The following RTN4 variants were observed in gnomAD, a reference collection of about 807,000 sequenced individuals.
The protein encoded by RTN4 is reticulon-4.
Under a neutral mutation model 90.4 loss-of-function variants are expected in RTN4, and 32 were observed. The ratio of observed to expected loss-of-function variants is 0.35; its 90% confidence interval spans 0.27 to 0.48. The LOEUF (loss-of-function observed/expected upper bound fraction) is 0.48, where lower values mean the gene tolerates loss of function less well. Among genes scored for constraint, RTN4 ranks in the 20% least tolerant of loss-of-function variants. The pLI, the probability that RTN4 is intolerant of heterozygous loss-of-function variation, is 0.99. For missense variants in RTN4, 1,706 were observed against 1,430.2 expected, an observed-to-expected ratio of 1.19 and a Z score of -3.11; for synonymous variants, 629 against 552.5, an observed-to-expected ratio of 1.14 and a Z score of -1.94.
intron 3 of RTN4, among the ~76,000 whole-genome samples, chr2:55,006,899 G>C (rs954139383): frequency 1.3e-5 from 2 of 151,938 alleles, no homozygotes; most frequent in Non-Finnish European, 2.9e-5. Context: ...CAGGTTTTAG[G>C]CTTTTCTTTC....
At chr2:55,044,991 A>T (rs1683325781) in intron 1 of RTN4, among the ~76,000 whole-genome samples, 1 of 152,174 alleles carries the variant, frequency 6.6e-6, no homozygotes, top group Non-Finnish European at 1.5e-5. Context: ...TGTGTTTAGA[A>T]GCATCCACTT....
the RTN4 span, among the ~76,000 whole-genome samples, chr2:55,123,844 T>G: frequency 6.6e-6 from 1 of 152,156 alleles, no homozygotes; most frequent in Non-Finnish European, 1.5e-5. Flanking sequence ...ACTCTGCATT[T>G]TCATTTTGCA....
In RTN4 at chr2:55,025,209, T is replaced by A. The variant is rs200503618; in HGVS notation, c.2890A>T (p.Ile964Leu). ...DVSALATQAE[I>L]ESIVKPKVLV... Reference sequence around the variant, plus strand: ...ACTTTGGGTTTAACTATGCTCTCTATCTCTGCTTGAGTGGCCAAAGCAGAA... The same window carrying A: ...ACTTTGGGTTTAACTATGCTCTCTAACTCTGCTTGAGTGGCCAAAGCAGAA... The change falls in exon 3 of 9, where the codon ATA becomes TTA. Residue 964 changes from isoleucine (I) to leucine (L), a missense_variant. Coordinates refer to ENST00000337526, the MANE Select transcript of RTN4 (RefSeq NM_020532.5). The A allele has an allele frequency of 6.2e-7, 1 of 1,613,892 alleles. No individual in the cohort carries two copies. The highest frequency in any genetic ancestry group is 8.5e-7 in the Non-Finnish European group (1 of 1,179,830).
At chr2:54,978,881 G>C (rs1677884820) in intron 5 of RTN4, among the ~76,000 whole-genome samples, 1 of 152,008 alleles carries the variant, frequency 6.6e-6, no homozygotes, top group Admixed American at 6.6e-5. Context: ...TTTAAACAAG[G>C]TAAATACATT....
At chr2:55,114,319 A>G (rs1323434533), upstream of RTN4, among the ~76,000 whole-genome samples, 3 of 152,228 alleles carry the variant, frequency 2.0e-5, no homozygotes, top group African/African-American at 7.2e-5. Flanking sequence ...GTGAGTCAGC[A>G]AAGGAGAAAC....
intron 1 of RTN4, among the ~76,000 whole-genome samples, chr2:55,093,585 A>G (rs1668978829): frequency 6.6e-6 from 1 of 152,096 alleles, no homozygotes; most frequent in Non-Finnish European, 1.5e-5. Context: ...GCCCTGAGTC[A>G]TTATCTGCAT....
Position 55,026,845 on chromosome 2 carries a change from A to G in RTN4, c.1254T>C (p.Ser418=), listed in dbSNP as rs147000793. The G allele has an allele frequency of 1.9e-6, 3 of 1,613,738 alleles. No individual in the cohort carries two copies. The African/African-American group carries it at 4.0e-5, about 22-fold the overall frequency. The part of the protein sequence containing the change: ...AGGKIESNLE[S]KVDKKCFADS... ...CTGCAAAACATTTTTTATCCACTTT[A>G]CTTTCCAAGTTGCTCTCGATTTTAC... Residue 418 remains serine (S), a synonymous_variant, in exon 3 of 9, where the codon AGT becomes AGC. Transcript: ENST00000337526.
chr2:55,062,193 C>T (rs1668308602), intron 2 of RTN4, among the ~76,000 whole-genome samples: 1 of 152,022 alleles, frequency 6.6e-6, no homozygotes, highest in Non-Finnish European at 1.5e-5. Context: ...AGAGCTACTT[C>T]CACTCAATAA....
chr2:55,116,091 C>CT (rs5831339), upstream of RTN4, among the ~76,000 whole-genome samples: 36,610 of 104,978 alleles, frequency 0.35, 8,100 homozygotes, highest in African/African-American at 0.6. Context: ...GGGGACTAGT[C>CT]TTTTTTTTTT....
intron 1 of RTN4, among the ~76,000 whole-genome samples, chr2:55,034,722 T>C (rs1682558464): frequency 6.6e-6 from 1 of 152,190 alleles, no homozygotes; most frequent in South Asian, 2.1e-4. Flanking sequence ...TATGTAGATG[T>C]TGAATATACA....
At position 54,983,645 on chromosome 2, in the gene RTN4, A is replaced by G. The variant is rs534092919; in HGVS notation, c.3222-992T>C. ...ACAGTGCCATCACTCTATTTTAAGC[A>G]CTTACTATTTACGAGCTGGAATATT... On this transcript the variant is annotated intron_variant, in intron 4 of 8. Coordinates refer to ENST00000337526, the MANE Select transcript of RTN4 (RefSeq NM_020532.5). 3.9e-5 allele frequency among the ~76,000 whole-genome samples: 6 copies of G among 152,238 alleles called. No individual in the cohort carries two copies. In the South Asian group the frequency reaches 8.3e-4, roughly 21 times the overall value.
chr2:55,077,612 C>A (rs913500158), intron 2 of RTN4, among the ~76,000 whole-genome samples: 12 of 152,092 alleles, frequency 7.9e-5, no homozygotes, highest in Admixed American at 7.9e-4. Flanking sequence ...AATCCCACTC[C>A]TGGGTATCTA....
intron 2 of RTN4, among the ~76,000 whole-genome samples, chr2:55,070,486 T>C (rs906084213): frequency 2.2e-5 from 3 of 139,446 alleles, no homozygotes; most frequent in Admixed American, 1.6e-4. Flanking sequence ...ATCAAGGCTG[T>C]AGTGAGCTAT....
chr2:54,993,134 A>G (rs1276740274), intron 3 of RTN4, among the ~76,000 whole-genome samples: 1 of 151,908 alleles, frequency 6.6e-6, no homozygotes, highest in Non-Finnish European at 1.5e-5. Context: ...CTGAAAGTAT[A>G]TCTACTAAGC....
chr2:55,091,965 T>C (rs977135725), intron 1 of RTN4, among the ~76,000 whole-genome samples: 1 of 152,160 alleles, frequency 6.6e-6, no homozygotes, highest in African/African-American at 2.4e-5. Context: ...TACCTCCCCC[T>C]GGGTCCCTCC....
At chr2:55,039,340 A>G (rs563206693) in intron 1 of RTN4, among the ~76,000 whole-genome samples, 61 of 152,340 alleles carry the variant, frequency 4.0e-4, no homozygotes, top group African/African-American at 1.5e-3. Flanking sequence ...TTGCAGAGAG[A>G]GAGAGACCAC....
At chr2:55,001,292 G>A (rs1679836297) in intron 3 of RTN4, among the ~76,000 whole-genome samples, 1 of 152,114 alleles carries the variant, frequency 6.6e-6, no homozygotes. Context: ...AACACCGAGT[G>A]TGTTTTCACA....
intron 5 of RTN4, among the ~76,000 whole-genome samples, chr2:54,976,848 G>A (rs2104611966): frequency 6.6e-6 from 1 of 152,316 alleles, no homozygotes; most frequent in East Asian, 1.9e-4. Context: ...CAAATACTTT[G>A]CAACATTATA....
upstream of RTN4, among the ~76,000 whole-genome samples, chr2:55,054,136 G>A (rs1168362775): frequency 6.6e-6 from 1 of 152,116 alleles, no homozygotes; most frequent in Non-Finnish European, 1.5e-5. Flanking sequence ...ATTCTTAAGA[G>A]TACCAAAATG....
Sources: allele counts gnomAD v4.1 joint callset (sites outside exome capture counted in the v4.1 genomes callset), GRCh38; gene constraint gnomAD v4.1.1; transcripts MANE v1.5; gene names NCBI Gene and HGNC (gene_info 2026-07-23, HGNC 2026-07-21).